RAB38: variants seen among roughly 807,000 people sequenced by gnomAD.
RAB38 encodes ras-related protein Rab-38.
Under a neutral mutation model 18.4 loss-of-function variants are expected in RAB38, and 15 were observed. The observed-to-expected ratio is 0.82, with a 90% CI of 0.55 to 1.26. The LOEUF (loss-of-function observed/expected upper bound fraction) is 1.26, where lower values mean the gene tolerates loss of function less well. Among genes scored for constraint, RAB38 ranks in the 50% most tolerant of loss-of-function variants. RAB38 has a pLI of 0.00. For synonymous variants in RAB38, 101 were observed against 104.4 expected (o/e 0.97, Z 0.20); for missense variants, 294 against 267.4 (o/e 1.10, Z -0.69).
the RAB38 span, among the ~76,000 whole-genome samples, chr11:87,951,824 C>CAGTT: frequency 2.6e-5 from 4 of 152,112 alleles, no homozygotes; most frequent in Non-Finnish European, 5.9e-5. Flanking sequence ...GGGTGCCTCC[C>CAGTT]AGTTAGGCTA....
chr11:88,017,637 C>T, the RAB38 span, among the ~76,000 whole-genome samples: 1 of 149,652 alleles, frequency 6.7e-6, no homozygotes, highest in South Asian at 2.1e-4. Flanking sequence ...CCCCTGCTTT[C>T]AACAGCCTTG....
At chr11:87,924,802 T>C in the RAB38 span, among the ~76,000 whole-genome samples, 1 of 152,008 alleles carries the variant, frequency 6.6e-6, no homozygotes, top group Admixed American at 6.6e-5. Flanking sequence ...CTCAAACCAA[T>C]GCCTACCTTA....
At chr11:88,105,941 G>A in the RAB38 span, among the ~76,000 whole-genome samples, 1 of 152,226 alleles carries the variant, frequency 6.6e-6, no homozygotes, top group African/African-American at 2.4e-5. Context: ...ATGACATTAT[G>A]TTTTGAAAAG....
At chr11:87,935,757 C>T in the RAB38 span, among the ~76,000 whole-genome samples, 1 of 152,040 alleles carries the variant, frequency 6.6e-6, no homozygotes, top group Admixed American at 6.6e-5. Context: ...CACTCCCCAC[C>T]CCTACTCCCT....
At chr11:87,877,282 C>T in the RAB38 span, among the ~76,000 whole-genome samples, 1 of 151,526 alleles carries the variant, frequency 6.6e-6, no homozygotes, top group Non-Finnish European at 1.5e-5. Flanking sequence ...TCTTTATGTT[C>T]TGATGGGTGT....
chr11:87,941,885 C>T, the RAB38 span, among the ~76,000 whole-genome samples: 2 of 152,124 alleles, frequency 1.3e-5, no homozygotes, highest in Non-Finnish European at 2.9e-5. Context: ...CAGAGACTCC[C>T]TTACCTGTCA....
At chr11:88,069,452 G>A in the RAB38 span, among the ~76,000 whole-genome samples, 9 of 152,210 alleles carry the variant, frequency 5.9e-5, no homozygotes, top group South Asian at 6.2e-4. Flanking sequence ...CATGACTGGC[G>A]GGCAGCTCCA....
At chr11:87,867,923 C>A in the RAB38 span, among the ~76,000 whole-genome samples, 13 of 151,804 alleles carry the variant, frequency 8.6e-5, no homozygotes, top group African/African-American at 3.1e-4. Context: ...TGGCCCTAAT[C>A]TGAGTGACAC....
chr11:87,824,881 T>C, the RAB38 span, among the ~76,000 whole-genome samples: 2 of 152,096 alleles, frequency 1.3e-5, no homozygotes, highest in Admixed American at 6.5e-5. Flanking sequence ...TAAAAGAGCC[T>C]ATCAAGTACC....
chr11:87,869,118 T>C, the RAB38 span, among the ~76,000 whole-genome samples: 1 of 151,682 alleles, frequency 6.6e-6, no homozygotes, highest in Non-Finnish European at 1.5e-5. Flanking sequence ...AAACAAACCA[T>C]TTTAAATGTC....
the RAB38 span, among the ~76,000 whole-genome samples, chr11:87,976,641 A>T: frequency 8.8e-6 from 1 of 113,250 alleles, no homozygotes; most frequent in Admixed American, 1.1e-4. Flanking sequence ...ATATGATTTT[A>T]TATGATATAT....
intron 1 of RAB38, among the ~76,000 whole-genome samples, chr11:88,168,300 G>A (rs989399036): frequency 2.6e-5 from 4 of 152,010 alleles, no homozygotes; most frequent in African/African-American, 7.3e-5. Context: ...ATTTAATTTG[G>A]CATATATGAC....
At chr11:87,934,188 A>G in the RAB38 span, among the ~76,000 whole-genome samples, 1 of 152,100 alleles carries the variant, frequency 6.6e-6, no homozygotes, top group Non-Finnish European at 1.5e-5. Flanking sequence ...TATCTCAATT[A>G]CAAATAACAT....
the RAB38 span, among the ~76,000 whole-genome samples, chr11:88,020,421 C>T: frequency 3.9e-5 from 6 of 152,056 alleles, no homozygotes; most frequent in African/African-American, 7.2e-5. Flanking sequence ...TACATTTATA[C>T]GCTCCCAACA....
At chr11:87,813,896 G>T in the RAB38 span, among the ~76,000 whole-genome samples, 3 of 152,130 alleles carry the variant, frequency 2.0e-5, no homozygotes, top group Admixed American at 6.5e-5. Flanking sequence ...GCTGTTTCCC[G>T]TGGGGGTGTG....
intron 1 of RAB38, among the ~76,000 whole-genome samples, chr11:88,168,558 A>C (rs1310606106): frequency 6.6e-6 from 1 of 152,196 alleles, no homozygotes; most frequent in Non-Finnish European, 1.5e-5. Context: ...CCGTAAGAGC[A>C]AAGATCAACC....
chr11:88,123,728 T>C (rs1372379246), intron 2 of RAB38, among the ~76,000 whole-genome samples: 1 of 152,220 alleles, frequency 6.6e-6, no homozygotes, highest in Non-Finnish European at 1.5e-5. Context: ...TTAATTTTCT[T>C]TGGCCTTACC....
chr11:88,069,777 C>G, the RAB38 span, among the ~76,000 whole-genome samples: 1 of 152,070 alleles, frequency 6.6e-6, no homozygotes, highest in African/African-American at 2.4e-5. Context: ...CCAATCAGCA[C>G]CCTGTGTCTA....
the RAB38 span, among the ~76,000 whole-genome samples, chr11:88,035,673 C>A: frequency 6.6e-6 from 1 of 152,180 alleles, no homozygotes; most frequent in Non-Finnish European, 1.5e-5. Context: ...TTTCTTTCTG[C>A]AATTTTCTTT....
Sources: gnomAD v4.1 joint callset for allele counts (sites outside exome capture counted in the v4.1 genomes callset) on GRCh38, gnomAD v4.1.1 for gene constraint, MANE v1.5 for transcripts, NCBI Gene and HGNC (gene_info 2026-07-23, HGNC 2026-07-21) for gene names.